Variants in APPL2 observed in about 807,000 individuals in gnomAD.
APPL2 encodes adaptor protein, phosphotyrosine interacting with PH domain and leucine zipper 2.
In APPL2, 84 loss-of-function variants were observed where a neutral mutation model predicts 92.7. That is an observed-to-expected ratio of 0.91 (90% CI 0.76 to 1.09). The LOEUF (loss-of-function observed/expected upper bound fraction) is 1.09, where lower values mean the gene tolerates loss of function less well. APPL2 is among the 50% of genes least tolerant of loss of function. The pLI is 0.00. For synonymous variants in APPL2, 291 were observed against 291.0 expected (o/e 1.00, Z 0.00); for missense variants, 736 against 824.5 (o/e 0.89, Z 1.31).
At chr12:105,207,882 G>T in intron 7 of APPL2, 89 bp downstream of exon 7, 3 of 1,195,910 alleles carry the variant, frequency 2.5e-6, no homozygotes, top group South Asian at 1.3e-5. Context: ...AAATAACCAC[G>T]CACCCTTTCA....
chr12:105,191,053 ATATGTCAATAT>A (rs1422359949), intron 14 of APPL2, among the ~76,000 whole-genome samples: 1 of 152,216 alleles, frequency 6.6e-6, no homozygotes, highest in Non-Finnish European at 1.5e-5. Context: ...TGTTCATTTG[ATATGTCAATAT>A]TTTCCTATTT....
At chr12:105,174,603 T>C (rs11112397) in intron 20 of APPL2, among the ~76,000 whole-genome samples, 155 bp from the exon 21 acceptor site, 29,702 of 152,138 alleles carry the variant, frequency 0.2, 4,263 homozygotes, top group African/African-American at 0.41. Flanking sequence ...CTTCTCAAAC[T>C]CAGGCATGTC....
Position 105,181,911 on chromosome 12 carries a change from C to T in APPL2, c.1635-4649G>A, listed in dbSNP as rs139220481. ...AATTTTGTTAATCTTTTCAAAAAAC[C>T]AGCTCCTGGATTCATTGATTTTTGA... On this transcript the variant is annotated intron_variant, in intron 17 of 20. Coordinates refer to ENST00000258530, the MANE Select transcript of APPL2 (RefSeq NM_018171.5). 4.7e-4 allele frequency among the ~76,000 whole-genome samples: 71 copies of T among 152,232 alleles called. No homozygotes were observed. The East Asian group carries it at 0.013, about 29-fold the overall frequency.
Position 105,186,638 on chromosome 12 carries a change from T to TATCGATATC in APPL2, c.1634+1634_1634+1635insGATATCGAT, listed in dbSNP as rs1432103220. On this transcript the variant is annotated intron_variant, in intron 17 of 20. Transcript: ENST00000258530. ...TATCATATATATATCATATATATCA[T>TATCGATATC]ATATATGATATCGATATCATATATA... is the stretch of plus-strand genomic sequence containing the variant. Among the ~76,000 whole-genome samples, 20 of 128,916 alleles carry TATCGATATC rather than the reference T, an allele frequency of 1.6e-4. 1 individual carries two copies. The highest frequency in any genetic ancestry group is 3.5e-4 in the Admixed American group (4 of 11,498). 84.6% of individuals were successfully genotyped at this position (128,916 alleles called of 152,430 possible).
rs1252660419 is a variant in APPL2, at chr12:105,190,148, G to A, written c.1249C>T (p.Leu417=). The change falls in exon 15 of 21, where the codon CTG becomes TTG. Residue 417 remains leucine, a synonymous_variant. Transcript: ENST00000258530. Reference sequence around the variant, plus strand: ...TCATTTTCCATCTCTGAATTTTTCAGGTTCTGGCTGAAGGGGAAAAAAATC... The same window carrying A: ...TCATTTTCCATCTCTGAATTTTTCAAGTTCTGGCTGAAGGGGAAAAAAATC... ...KQESSCPSQN[L]KNSEMENEND... 3 of 1,613,314 alleles carry A rather than the reference G, an allele frequency of 1.9e-6. No homozygotes were observed. The highest frequency in any genetic ancestry group is 2.7e-5 in the African/African-American group (2 of 74,842).
At chr12:105,186,713 TATC>T (rs1238661236) in intron 17 of APPL2, among the ~76,000 whole-genome samples, 21 of 133,176 alleles carry the variant, frequency 1.6e-4, no homozygotes, top group Non-Finnish European at 2.1e-4. Flanking sequence ...TCATATATCA[TATC>T]ATATATATAT....
intron 17 of APPL2, among the ~76,000 whole-genome samples, chr12:105,185,954 G>A (rs1566055253): frequency 1.3e-5 from 2 of 151,962 alleles, no homozygotes; most frequent in Admixed American, 1.3e-4. Flanking sequence ...CCCACCCTCT[G>A]GCAATCTCTA....
At position 105,190,100 on chromosome 12, in the gene APPL2, C is replaced by T. The variant is rs761495598; in HGVS notation, c.1297G>A (p.Ala433Thr). 2 of 1,614,138 alleles carry T rather than the reference C, an allele frequency of 1.2e-6. No homozygotes were observed. Among genetic ancestry groups the T allele is most frequent in the South Asian group, 1.1e-5 (1 of 91,074 alleles). The change falls in exon 15 of 21, where the codon GCA becomes ACA. Residue 433 changes from alanine (A) to threonine (T), a missense_variant. Coordinates refer to ENST00000258530, the MANE Select transcript of APPL2 (RefSeq NM_018171.5). ...TCTGCTTCAGGTAGACTGGCTGTTG[C>T]TTTGGGAACAATCTTGTCATTTTCA... ...ENENDKIVPKATASLPEAEEL... is the reference protein window; with the variant it reads ...ENENDKIVPKTTASLPEAEEL...
At chr12:105,175,468 A>G (rs566111500) in intron 20 of APPL2, among the ~76,000 whole-genome samples, 1 of 152,346 alleles carries the variant, frequency 6.6e-6, no homozygotes, top group East Asian at 1.9e-4. Context: ...TTCAATCTGC[A>G]TATTAAATTG....
At chr12:105,188,566 T>C in intron 16 of APPL2, 119 bp from the exon 17 acceptor site, 2 of 945,918 alleles carry the variant, frequency 2.1e-6, no homozygotes, top group South Asian at 3.4e-5. Flanking sequence ...TACCAAAATT[T>C]CTCAATACCA....
intron 8 of APPL2, 130 bp from the exon 9 acceptor site, chr12:105,203,915 G>C (rs1888466646): frequency 4.1e-6 from 3 of 723,206 alleles, no homozygotes; most frequent in Admixed American, 4.3e-5. Flanking sequence ...GGCACTGGCA[G>C]CATCTCTACT....
intron 14 of APPL2, among the ~76,000 whole-genome samples, chr12:105,193,367 T>C (rs1887389073): frequency 6.6e-6 from 1 of 152,204 alleles, no homozygotes. Flanking sequence ...TCCCTGTATG[T>C]CACAAGGCTG....
chr12:105,200,028 G>A (rs1421371162), intron 9 of APPL2, among the ~76,000 whole-genome samples: 3 of 151,740 alleles, frequency 2.0e-5, no homozygotes, highest in Non-Finnish European at 2.9e-5. Context: ...TAGAGACGGG[G>A]TTTCACCGTG....
chr12:105,187,921 T>C (rs1886871438), intron 17 of APPL2, among the ~76,000 whole-genome samples: 1 of 152,040 alleles, frequency 6.6e-6, no homozygotes, highest in African/African-American at 2.4e-5. Context: ...TTTAGGCAGA[T>C]TTTTAAGTTT....
Position 105,229,232 on chromosome 12 carries a change from AAAG to A in APPL2, c.55-12_55-10del, listed in dbSNP as rs1171543811. On this transcript the variant is annotated splice_polypyrimidine_tract_variant and intron_variant, in intron 1 of 20. Coordinates refer to ENST00000258530, the MANE Select transcript of APPL2 (RefSeq NM_018171.5). ...CTCAGTAAAGAGCGAGTCTGGAAGA[AAAG>A]AAGAAAAAAGGTCAATTTCATTTCT... is the stretch of plus-strand genomic sequence containing the variant. The A allele has an allele frequency of 1.2e-6, 2 of 1,608,566 alleles. No individual in the cohort carries two copies. Among genetic ancestry groups the A allele is most frequent in the Non-Finnish European group, 1.7e-6 (2 of 1,177,054 alleles).
In APPL2 at chr12:105,188,453, A is replaced by C; in HGVS notation, c.1460-6T>G. The C allele has an allele frequency of 6.2e-7, 1 of 1,613,876 alleles. No homozygotes were observed. Among genetic ancestry groups the C allele is most frequent in the Non-Finnish European group, 8.5e-7 (1 of 1,179,842 alleles). On this transcript the variant is annotated splice_polypyrimidine_tract_variant and splice_region_variant and intron_variant, in intron 16 of 20. Transcript: ENST00000258530. ...CATCTGCTGCAAAAGAGAATCTGGA[A>C]GACAGCATTTTCCACTCAGGATCTC... is the stretch of plus-strand genomic sequence containing the variant.
intron 4 of APPL2, among the ~76,000 whole-genome samples, chr12:105,212,433 A>G (rs960585154): frequency 1.2e-4 from 18 of 152,258 alleles, no homozygotes; most frequent in African/African-American, 4.3e-4. Context: ...ATTATTTATC[A>G]TCACCACTTT....
chr12:105,223,975 G>A (rs963713476), intron 2 of APPL2, among the ~76,000 whole-genome samples: 3 of 152,144 alleles, frequency 2.0e-5, no homozygotes, highest in Non-Finnish European at 1.5e-5. Context: ...GCAAGCGGCT[G>A]AGCCAAGACT....
chr12:105,215,418 C>CT (rs1237373932), intron 4 of APPL2, among the ~76,000 whole-genome samples: 2 of 152,162 alleles, frequency 1.3e-5, no homozygotes, highest in African/African-American at 4.8e-5. Flanking sequence ...ATGAGTTTGT[C>CT]TTTTTCCTAC....
Sources: gnomAD v4.1 joint callset for allele counts (sites outside exome capture counted in the v4.1 genomes callset) on GRCh38, gnomAD v4.1.1 for gene constraint, MANE v1.5 for transcripts, NCBI Gene and HGNC (gene_info 2026-07-23, HGNC 2026-07-21) for gene names.